Variants in FKBP5 observed in about 807,000 individuals in gnomAD.
FKBP5 encodes the protein FKBP prolyl isomerase 5, also known as peptidyl-prolyl cis-trans isomerase FKBP5.
In FKBP5, 23 loss-of-function variants were observed where a neutral mutation model predicts 50.5. The ratio of observed to expected loss-of-function variants is 0.46; its 90% confidence interval spans 0.33 to 0.65. FKBP5 has a LOEUF of 0.65. FKBP5 is among the 30% of genes least tolerant of loss of function. FKBP5 has a pLI of 0.02. For synonymous variants in FKBP5, 176 were observed against 190.6 expected, an observed-to-expected ratio of 0.92 and a Z score of 0.63; for missense variants, 411 against 553.1, an observed-to-expected ratio of 0.74 and a Z score of 2.58.
At chr6:35,683,506 C>T (rs147614773) in intron 1 of FKBP5, among the ~76,000 whole-genome samples, 6,454 of 151,678 alleles carry the variant, frequency 0.043, 173 homozygotes, top group African/African-American at 0.079. Flanking sequence ...CACTGTGTTG[C>T]CCAGGCTGGA....
chr6:35,718,567 CT>C (rs1766552658), intron 2 of FKBP5, among the ~76,000 whole-genome samples: 1 of 152,148 alleles, frequency 6.6e-6, no homozygotes, highest in Admixed American at 6.5e-5. Flanking sequence ...CTTTGGGCCC[CT>C]CATCTCCAAT....
chr6:35,673,050 T>G (rs1291725611), intron 1 of FKBP5, among the ~76,000 whole-genome samples: 1 of 151,996 alleles, frequency 6.6e-6, no homozygotes, highest in Non-Finnish European at 1.5e-5. Context: ...AGTGAATTGG[T>G]GATTGGGAAT....
chr6:35,695,681 C>G (rs1192261780), intron 2 of FKBP5, among the ~76,000 whole-genome samples: 2 of 151,996 alleles, frequency 1.3e-5, no homozygotes, highest in African/African-American at 4.8e-5. Flanking sequence ...AGATAAATAA[C>G]AAAAATCAAT....
At chr6:35,675,728 T>G (rs1765508317) in intron 1 of FKBP5, among the ~76,000 whole-genome samples, 1 of 152,238 alleles carries the variant, frequency 6.6e-6, no homozygotes, top group Non-Finnish European at 1.5e-5. Context: ...GAAGTTCAGC[T>G]CTGCCTTCAA....
chr6:35,695,463 G>T (rs1401837055), intron 2 of FKBP5, among the ~76,000 whole-genome samples: 1 of 152,180 alleles, frequency 6.6e-6, no homozygotes, highest in Non-Finnish European at 1.5e-5. Context: ...ACCATACACA[G>T]TCATTCCAAC....
Position 35,682,922 on chromosome 6 carries a change from A to G in FKBP5, c.-20+5882T>C, listed in dbSNP as rs548184006. On this transcript the variant is annotated intron_variant, in intron 1 of 10. Coordinates refer to ENST00000357266, the MANE Select transcript of FKBP5 (RefSeq NM_004117.4). The stretch of plus-strand genomic sequence containing the variant: ...ATCTCTTTTAAAAAAAAAAAAAAAG[A>G]AAAAAAAGTATATATATATATATCC... Among the ~76,000 whole-genome samples the G allele has an allele frequency of 1.2e-4, 18 of 149,646 alleles. No individual in the cohort carries two copies. The East Asian group carries it at 3.3e-3, about 28-fold the overall frequency.
intron 1 of FKBP5, among the ~76,000 whole-genome samples, chr6:35,651,278 A>C (rs1764791457): frequency 6.6e-6 from 1 of 152,230 alleles, no homozygotes; most frequent in South Asian, 2.1e-4. Context: ...TAAATAGTTT[A>C]ACATTAAACA....
At chr6:35,666,447 T>G (rs1294589204) in intron 1 of FKBP5, among the ~76,000 whole-genome samples, 1 of 140,852 alleles carries the variant, frequency 7.1e-6, no homozygotes, top group Non-Finnish European at 1.5e-5. Context: ...CTTCATAGAC[T>G]TCTATTATAC....
At chr6:35,578,849 C>G (rs570163335) in intron 9 of FKBP5, among the ~76,000 whole-genome samples, 34 of 152,040 alleles carry the variant, frequency 2.2e-4, no homozygotes, top group Admixed American at 6.5e-4. Context: ...TATATGACTG[C>G]TTCTGTCAAT....
chr6:35,602,104 G>A (rs141293945), intron 5 of FKBP5, among the ~76,000 whole-genome samples: 34 of 152,208 alleles, frequency 2.2e-4, no homozygotes, highest in African/African-American at 7.5e-4. Flanking sequence ...TCTGAATGTG[G>A]CTGGCACATG....
chr6:35,654,522 C>A (rs1469596279), intron 1 of FKBP5, among the ~76,000 whole-genome samples: 1 of 152,194 alleles, frequency 6.6e-6, no homozygotes, highest in Non-Finnish European at 1.5e-5. Context: ...CCATACCATA[C>A]CATTGTTCAA....
intron 2 of FKBP5, among the ~76,000 whole-genome samples, chr6:35,709,664 T>C (rs1372316779): frequency 6.6e-5 from 10 of 152,248 alleles, no homozygotes; most frequent in Non-Finnish European, 1.2e-4. Flanking sequence ...TTGTTTTCTA[T>C]ATTTGCAGGA....
intron 1 of FKBP5, among the ~76,000 whole-genome samples, chr6:35,673,965 C>T (rs1765461544): frequency 6.6e-6 from 1 of 152,154 alleles, no homozygotes; most frequent in Non-Finnish European, 1.5e-5. Context: ...TCTACTTCCT[C>T]TGAACCTCAA....
At position 35,630,170 on chromosome 6, in the gene FKBP5, AAG is replaced by A. The variant is rs112790704; in HGVS notation, c.250+6842_250+6843del. 3.6e-3 allele frequency among the ~76,000 whole-genome samples: 527 copies of A among 145,220 alleles called. 3 individuals carry two copies. The highest frequency in any genetic ancestry group is 7.1e-3 in the African/African-American group (283 of 39,972). Reference sequence around the variant, plus strand: ...AGAGAAAGAGGGAGGAGGAGGAAGAAAGAGAGAGAGAGAGAGAGAGAGCGAGC... The same window carrying A: ...AGAGAAAGAGGGAGGAGGAGGAAGAAAGAGAGAGAGAGAGAGAGAGCGAGC... On this transcript the variant is annotated intron_variant, in intron 3 of 10. Coordinates refer to ENST00000357266, the MANE Select transcript of FKBP5 (RefSeq NM_004117.4).
At chr6:35,605,383 CT>C (rs1158530509) in intron 5 of FKBP5, among the ~76,000 whole-genome samples, 3,113 of 51,844 alleles carry the variant, frequency 0.06, 4 homozygotes, top group Non-Finnish European at 0.073. Flanking sequence ...ATGACAATAT[CT>C]TTTTTTTTTT....
intron 8 of FKBP5, chr6:35,584,316 T>C (rs572483511): frequency 2.4e-5 from 24 of 985,330 alleles, no homozygotes; most frequent in Non-Finnish European, 2.8e-5. Context: ...AAAAGCTGAG[T>C]ACAATTCAAT....
At chr6:35,636,169 C>T (rs1764304497) in intron 3 of FKBP5, among the ~76,000 whole-genome samples, 1 of 152,098 alleles carries the variant, frequency 6.6e-6, no homozygotes, top group African/African-American at 2.4e-5. Flanking sequence ...TATTTAAAAC[C>T]ACATTCATTA....
chr6:35,673,039 T>C (rs1581871945), intron 1 of FKBP5, among the ~76,000 whole-genome samples: 1 of 152,080 alleles, frequency 6.6e-6, no homozygotes. Flanking sequence ...AGTGATGTGA[T>C]AGTGAATTGG....
intron 1 of FKBP5, among the ~76,000 whole-genome samples, chr6:35,721,580 C>T (rs541268242): frequency 4.6e-5 from 7 of 152,062 alleles, no homozygotes; most frequent in African/African-American, 9.7e-5. Context: ...CTCAGCCTCC[C>T]GAGCAGCTGG....
Sources: allele counts gnomAD v4.1 joint callset (sites outside exome capture counted in the v4.1 genomes callset), GRCh38; gene constraint gnomAD v4.1.1; transcripts MANE v1.5; gene names NCBI Gene and HGNC (gene_info 2026-07-23, HGNC 2026-07-21).